The following ZNG1B variants were observed in gnomAD, a reference collection of about 807,000 sequenced individuals.
ZNG1B encodes zinc-regulated GTPase metalloprotein activator 1B.
At chr2:113,453,233 G>C in the ZNG1B span, 3 of 1,571,154 alleles carry the variant, frequency 1.9e-6, no homozygotes, top group Non-Finnish European at 1.7e-6. Context: ...TATCTTTCTT[G>C]TTTTTTGTTT....
At chr2:113,464,045 T>C in the ZNG1B span, among the ~76,000 whole-genome samples, 1 of 149,446 alleles carries the variant, frequency 6.7e-6, no homozygotes, top group Non-Finnish European at 1.5e-5. Flanking sequence ...GAATGATAAT[T>C]ATTACTTGAC....
chr2:113,490,277 CA>C, the ZNG1B span, among the ~76,000 whole-genome samples: 1 of 152,144 alleles, frequency 6.6e-6, no homozygotes, highest in African/African-American at 2.4e-5. Context: ...AAGATGAAAT[CA>C]AGATGGAAAT....
chr2:113,476,923 C>T, the ZNG1B span, among the ~76,000 whole-genome samples: 1 of 152,220 alleles, frequency 6.6e-6, no homozygotes, highest in Non-Finnish European at 1.5e-5. Flanking sequence ...CTTTTCAAAG[C>T]TGTCAGACAG....
the ZNG1B span, among the ~76,000 whole-genome samples, chr2:113,441,162 A>G: frequency 6.6e-6 from 1 of 152,200 alleles, no homozygotes; most frequent in Non-Finnish European, 1.5e-5. Context: ...ATAAAATTTT[A>G]TGTCTACATA....
the ZNG1B span, among the ~76,000 whole-genome samples, chr2:113,459,680 A>C: frequency 1.3e-5 from 2 of 151,778 alleles, no homozygotes; most frequent in African/African-American, 4.8e-5. Context: ...AAAAATGTAT[A>C]TAATTTATAA....
chr2:113,474,273 G>A, the ZNG1B span, among the ~76,000 whole-genome samples: 8 of 151,120 alleles, frequency 5.3e-5, no homozygotes, highest in Non-Finnish European at 7.4e-5. Flanking sequence ...GTTTATTTGC[G>A]TAGAGGTGTT....
chr2:113,494,797 G>A, the ZNG1B span: 35 of 633,264 alleles, frequency 5.5e-5, 2 homozygotes, highest in Non-Finnish European at 6.6e-5. Context: ...AATAGGATAT[G>A]ATACATATTT....
the ZNG1B span, among the ~76,000 whole-genome samples, chr2:113,477,033 T>C: frequency 1.3e-5 from 2 of 152,218 alleles, no homozygotes; most frequent in Admixed American, 1.3e-4. Context: ...CCTTGAGCTG[T>C]GGTGGGCTCC....
At chr2:113,454,254 T>C in the ZNG1B span, among the ~76,000 whole-genome samples, 1 of 152,204 alleles carries the variant, frequency 6.6e-6, no homozygotes, top group East Asian at 1.9e-4. Context: ...AAAACATTTA[T>C]GAGTTGGATT....
chr2:113,451,028 A>T, the ZNG1B span, among the ~76,000 whole-genome samples: 1 of 151,856 alleles, frequency 6.6e-6, no homozygotes, highest in African/African-American at 2.4e-5. Context: ...TCGACCTCAG[A>T]CCTCTCATTT....
the ZNG1B span, among the ~76,000 whole-genome samples, chr2:113,475,505 G>A: frequency 6.7e-6 from 1 of 149,278 alleles, no homozygotes; most frequent in East Asian, 2.0e-4. Context: ...AGTTAATATC[G>A]TTACGTGTGA....
the ZNG1B span, chr2:113,481,859 T>G: frequency 3.7e-6 from 1 of 271,224 alleles, no homozygotes; most frequent in African/African-American, 2.3e-5. Flanking sequence ...AAGTTTGTAT[T>G]AAACCTGTTG....
chr2:113,484,571 G>A, the ZNG1B span, among the ~76,000 whole-genome samples: 47 of 152,202 alleles, frequency 3.1e-4, no homozygotes, highest in Non-Finnish European at 5.7e-4. Context: ...TTTTGGTTTT[G>A]GTTTATTTAT....
the ZNG1B span, among the ~76,000 whole-genome samples, chr2:113,462,247 G>T: frequency 6.6e-6 from 1 of 152,188 alleles, no homozygotes; most frequent in Non-Finnish European, 1.5e-5. Context: ...AGTAAACTGA[G>T]TCACTCCTAT....
the ZNG1B span, among the ~76,000 whole-genome samples, chr2:113,489,383 A>G: frequency 8.5e-5 from 13 of 152,350 alleles, no homozygotes; most frequent in Non-Finnish European, 1.9e-4. Flanking sequence ...AAACATAGCA[A>G]AACAGAACCT....
At chr2:113,473,868 G>A in the ZNG1B span, among the ~76,000 whole-genome samples, 5 of 140,580 alleles carry the variant, frequency 3.6e-5, no homozygotes, top group Non-Finnish European at 6.1e-5. Flanking sequence ...GCTTTTTGAT[G>A]TGCTGCTGGA....
chr2:113,464,482 AT>A, the ZNG1B span, among the ~76,000 whole-genome samples: 140 of 111,696 alleles, frequency 1.3e-3, 11 homozygotes, highest in African/African-American at 4.0e-3. Flanking sequence ...AGATAAATAG[AT>A]GAGGTGTACA....
the ZNG1B span, chr2:113,443,671 T>G: frequency 9.5e-6 from 11 of 1,152,052 alleles, no homozygotes; most frequent in Admixed American, 3.0e-4. Context: ...AAATGCAGTT[T>G]CTGCTTTAAG....
chr2:113,451,665 A>G, the ZNG1B span, among the ~76,000 whole-genome samples: 2 of 152,218 alleles, frequency 1.3e-5, no homozygotes, highest in Non-Finnish European at 2.9e-5. Flanking sequence ...AATGTTGTTC[A>G]TTCATCTTTA....
Sources: allele counts gnomAD v4.1 joint callset (sites outside exome capture counted in the v4.1 genomes callset), GRCh38; gene constraint gnomAD v4.1.1; transcripts MANE v1.5; gene names NCBI Gene and HGNC (gene_info 2026-07-23, HGNC 2026-07-21).